Variants in ZNF568 observed in about 807,000 individuals in gnomAD.
The protein encoded by ZNF568 is p53 inhibitor of SCO2 activation.
Under a neutral mutation model 18.1 loss-of-function variants are expected in ZNF568, and 11 were observed. The ratio of observed to expected loss-of-function variants is 0.61; its 90% CI spans 0.38 to 1.00. ZNF568 has a LOEUF of 1.00. Ranked by LOEUF, ZNF568 falls within the 50% of genes least tolerant of loss-of-function variation. ZNF568 has a pLI of 0.01. For synonymous variants in ZNF568, 213 were observed against 246.6 expected, an observed-to-expected ratio of 0.86 and a Z score of 1.28; for missense variants, 639 against 768.2, an observed-to-expected ratio of 0.83 and a Z score of 1.99.
In ZNF568 at chr19:36,975,681, C is replaced by CTTTTTTTTTTTTTTTTT. The variant is rs1193440344; in HGVS notation, c.405+1220_405+1236dup. On this transcript the variant is annotated intron_variant, in intron 7 of 7. Coordinates refer to the ZNF568 transcript ENST00000427117. ...GCAGGCGTGAGCCACCGCGCCAAGACTTTTTTTTTTTTTTTTTTTTTGAGA... is the reference window on the plus strand; with the variant it reads ...GCAGGCGTGAGCCACCGCGCCAAGACTTTTTTTTTTTTTTTTTTTTTTTTTTTTTTTTTTTTTTGAGA... 4.5e-4 allele frequency among the ~76,000 whole-genome samples: 34 copies of CTTTTTTTTTTTTTTTTT among 75,778 alleles called. 8 individuals carry two copies. The highest frequency in any genetic ancestry group is 1.9e-3 in the African/African-American group (32 of 16,420). 49.7% of individuals were successfully genotyped at this position (75,778 alleles called of 152,430 possible).
At chr19:36,960,557 C>A (rs564343723) in intron 6 of ZNF568, among the ~76,000 whole-genome samples, 2 of 151,730 alleles carry the variant, frequency 1.3e-5, no homozygotes, top group Non-Finnish European at 2.9e-5. Flanking sequence ...GGCATGGTGG[C>A]TCACCATGTA....
At chr19:36,934,731 T>C (rs2073759871) in intron 4 of ZNF568, among the ~76,000 whole-genome samples, 1 of 152,326 alleles carries the variant, frequency 6.6e-6, no homozygotes, top group African/African-American at 2.4e-5. Context: ...ATTCCATAAG[T>C]TTTGGTATGT....
At chr19:36,996,632 A>C (rs2074474723) in exon 5 of ZNF568, 1 of 1,535,236 alleles carries the variant, frequency 6.5e-7, no homozygotes, top group Non-Finnish European at 8.7e-7. Context: ...AAAGAACCTG[A>C]ATGTGGAGAA....
downstream of ZNF568, among the ~76,000 whole-genome samples, chr19:36,980,743 C>T (rs1468315196): frequency 6.6e-6 from 1 of 152,216 alleles, no homozygotes; most frequent in Admixed American, 6.5e-5. Flanking sequence ...ACTCAAGCTT[C>T]AGTGCCCAGT....
chr19:36,974,397 G>A (rs956172366), intron 6 of ZNF568: 1 of 1,535,798 alleles, frequency 6.5e-7, no homozygotes, highest in Non-Finnish European at 8.7e-7. Context: ...GCTTCTTAAC[G>A]TTTTTCCACA....
chr19:36,981,995 T>C (rs186696429), downstream of ZNF568, among the ~76,000 whole-genome samples: 8 of 152,314 alleles, frequency 5.3e-5, no homozygotes, highest in East Asian at 1.9e-4. Flanking sequence ...TTTTGAGATA[T>C]TGATTTTATA....
At chr19:36,927,844 ATGTGTG>A (rs367925001) in intron 4 of ZNF568, among the ~76,000 whole-genome samples, 36,265 of 83,620 alleles carry the variant, frequency 0.43, 8,658 homozygotes, top group African/African-American at 0.55. Context: ...ATAAAGATAT[ATGTGTG>A]TGTGTGTGTG....
chr19:36,920,458 A>G (rs905987655), intron 2 of ZNF568, among the ~76,000 whole-genome samples: 1 of 151,990 alleles, frequency 6.6e-6, no homozygotes, highest in African/African-American at 2.4e-5. Context: ...CCCCGTCTCT[A>G]CTAAAAATAC....
chr19:36,976,671 G>A (rs988311551), intron 7 of ZNF568, among the ~76,000 whole-genome samples: 1 of 152,314 alleles, frequency 6.6e-6, no homozygotes, highest in African/African-American at 2.4e-5. Flanking sequence ...AGCACTTTGG[G>A]AGGCCAAGGC....
At chr19:36,966,762 G>A (rs569786888) in intron 6 of ZNF568, among the ~76,000 whole-genome samples, 7 of 152,320 alleles carry the variant, frequency 4.6e-5, no homozygotes, top group Non-Finnish European at 8.8e-5. Context: ...TCAGTGGGAG[G>A]TGTGTATGTG....
At chr19:36,966,200 C>T (rs1040534470) in intron 6 of ZNF568, among the ~76,000 whole-genome samples, 3 of 152,076 alleles carry the variant, frequency 2.0e-5, no homozygotes, top group Non-Finnish European at 4.4e-5. Context: ...ACACGAGAAT[C>T]GCTTAAACTG....
intron 3 of ZNF568, among the ~76,000 whole-genome samples, chr19:36,924,121 T>G (rs935715408): frequency 1.3e-5 from 2 of 152,124 alleles, no homozygotes; most frequent in African/African-American, 4.8e-5. Context: ...TAAATCAAGT[T>G]TTTTAAAAAT....
chr19:36,950,663 T>C lies in ZNF568; in HGVS notation c.1510T>C (p.Cys504Arg), dbSNP rs2074044612. Residue 504 changes from cysteine (C) to arginine (R), a missense_variant, in exon 7 of 7, where the codon TGT becomes CGT. Coordinates refer to ENST00000333987, the MANE Select transcript of ZNF568 (RefSeq NM_198539.4). The part of the protein sequence containing the change: ...RIHTGEKPYA[C>R]TVCGKAFSQK... ...TCATACGGGTGAGAAACCCTATGCA[T>C]GTACAGTATGTGGAAAAGCCTTTAG... is the stretch of plus-strand genomic sequence containing the variant. 1.2e-6 allele frequency: 2 copies of C among 1,613,964 alleles called. No homozygotes were observed. The highest frequency in any genetic ancestry group is 2.2e-5 in the East Asian group (1 of 44,856).
intron 4 of ZNF568, among the ~76,000 whole-genome samples, chr19:36,929,042 G>C (rs1391613765): frequency 6.6e-6 from 1 of 152,006 alleles, no homozygotes; most frequent in Admixed American, 6.6e-5. Flanking sequence ...GAATGGCCAG[G>C]AAAAGTATAA....
At chr19:36,941,146 G>T (rs1188002818) in intron 6 of ZNF568, among the ~76,000 whole-genome samples, 3 of 152,152 alleles carry the variant, frequency 2.0e-5, no homozygotes, top group Non-Finnish European at 4.4e-5. Flanking sequence ...ATAAGCAGGG[G>T]TTTATAAGAT....
exon 5 of ZNF568, chr19:36,996,372 A>C: frequency 1.3e-6 from 2 of 1,535,362 alleles, no homozygotes; most frequent in Non-Finnish European, 1.7e-6. Context: ...ACATTTATGA[A>C]ATTAGATCAC....
At chr19:36,931,749 A>G (rs1262700176) in intron 4 of ZNF568, 4 of 152,178 alleles carry the variant, frequency 2.6e-5, no homozygotes, top group African/African-American at 7.2e-5. Flanking sequence ...TAAGTCACAT[A>G]CTATAAAATT....
chr19:36,975,521 G>A (rs915370536), intron 7 of ZNF568, among the ~76,000 whole-genome samples: 1 of 151,782 alleles, frequency 6.6e-6, no homozygotes, highest in African/African-American at 2.4e-5. Context: ...GAGTAGCTGG[G>A]ACTACAGGCG....
chr19:36,938,467 A>G (rs1399289864), intron 6 of ZNF568, among the ~76,000 whole-genome samples: 1 of 152,206 alleles, frequency 6.6e-6, no homozygotes, highest in African/African-American at 2.4e-5. Context: ...AGAAAACTAC[A>G]TTTATAGTAG....
Sources: gnomAD v4.1 joint callset for allele counts (sites outside exome capture counted in the v4.1 genomes callset) on GRCh38, gnomAD v4.1.1 for gene constraint, MANE v1.5 for transcripts, NCBI Gene and HGNC (gene_info 2026-07-23, HGNC 2026-07-21) for gene names.